The following IGF2BP1 variants were observed in gnomAD, a reference collection of about 807,000 sequenced individuals.
IGF2BP1 encodes insulin-like growth factor 2 mRNA-binding protein 1.
A neutral mutation model predicts 74.9 loss-of-function variants in IGF2BP1; 11 were observed. The observed-to-expected ratio is 0.15, with a 90% CI of 0.09 to 0.24. IGF2BP1 has a LOEUF of 0.24. IGF2BP1 is among the 10% of genes least tolerant of loss of function. The pLI is 1.00. For missense variants in IGF2BP1, 440 were observed against 757.4 expected (o/e 0.58, Z 4.92); for synonymous variants, 287 against 281.8 (o/e 1.02, Z -0.18).
chr17:49,027,318 C>A (rs1217759959), intron 4 of IGF2BP1, among the ~76,000 whole-genome samples: 1 of 152,156 alleles, frequency 6.6e-6, no homozygotes, highest in African/African-American at 2.4e-5. Flanking sequence ...AGAAATCTTG[C>A]ATTCAATCGG....
intron 2 of IGF2BP1, among the ~76,000 whole-genome samples, chr17:49,009,377 C>CTT (rs71144552): frequency 0.59 from 89,436 of 151,670 alleles, 27,848 homozygotes; most frequent in African/African-American, 0.78. Context: ...TCTTTGGAAA[C>CTT]TTAGGTTTTT....
chr17:49,048,060 A>G (rs1257271375), intron 14 of IGF2BP1, among the ~76,000 whole-genome samples: 1 of 152,136 alleles, frequency 6.6e-6, no homozygotes, highest in African/African-American at 2.4e-5. Context: ...ATTTATGGAA[A>G]GGAGACATTC....
chr17:49,045,190 C>T, intron 12 of IGF2BP1, 125 bp downstream of exon 12: 2 of 740,130 alleles, frequency 2.7e-6, no homozygotes, highest in Non-Finnish European at 4.7e-6. Flanking sequence ...ATCTTTAAGC[C>T]TTCCATGCAG....
intron 8 of IGF2BP1, 81 bp downstream of exon 8, chr17:49,041,581 T>TA (rs2042053407): frequency 6.4e-7 from 1 of 1,555,740 alleles, no homozygotes; most frequent in Admixed American, 1.8e-5. Flanking sequence ...GGAACCTTGA[T>TA]ATGTGCTCTT....
intron 2 of IGF2BP1, among the ~76,000 whole-genome samples, chr17:49,010,255 C>T (rs1211378356): frequency 6.7e-6 from 1 of 149,878 alleles, no homozygotes; most frequent in South Asian, 2.1e-4. Context: ...TGCTGTGATT[C>T]AAAAAATGGC....
chr17:49,004,128 C>T (rs2041518877), intron 2 of IGF2BP1, among the ~76,000 whole-genome samples: 1 of 152,206 alleles, frequency 6.6e-6, no homozygotes, highest in South Asian at 2.1e-4. Flanking sequence ...GCCCGCCTGC[C>T]TTCTCTTAAC....
chr17:49,041,507 C>T lies in IGF2BP1; in HGVS notation c.941+7C>T. On this transcript the variant is annotated splice_region_variant and intron_variant, in intron 8 of 14. Transcript: ENST00000290341. ...CAAAAATCACCATCTCCTCGTAAGG[C>T]TCTCTTCTATTTCCCTGTTTATGAG... The T allele has an allele frequency of 6.2e-7, 1 of 1,614,002 alleles. No homozygotes were observed. Among genetic ancestry groups the T allele is most frequent in the Non-Finnish European group, 8.5e-7 (1 of 1,179,940 alleles).
At chr17:48,998,140 A>T (rs2041431850) in intron 1 of IGF2BP1, among the ~76,000 whole-genome samples, 1 of 141,930 alleles carries the variant, frequency 7.0e-6, no homozygotes, top group African/African-American at 2.7e-5. Flanking sequence ...CCTTTCTCCC[A>T]GCCTGAGATA....
At chr17:49,034,100 T>G (rs187499249) in intron 5 of IGF2BP1, among the ~76,000 whole-genome samples, 1 of 146,574 alleles carries the variant, frequency 6.8e-6, no homozygotes, top group African/African-American at 2.5e-5. Flanking sequence ...GTTAGAATTA[T>G]ATCATGATTT....
chr17:49,026,100 C>T (rs570517305), intron 3 of IGF2BP1, among the ~76,000 whole-genome samples: 11 of 152,082 alleles, frequency 7.2e-5, no homozygotes, highest in South Asian at 2.1e-4. Context: ...AGTGAGCCAC[C>T]GTGCCTGGCC....
At chr17:49,013,423 C>T (rs11079849) in intron 2 of IGF2BP1, 41,618 of 152,348 alleles carry the variant, frequency 0.27, 6,292 homozygotes, top group Middle Eastern at 0.38. Context: ...CCTCCCGCCC[C>T]GTCCCGCCTC....
chr17:49,026,626 T>A (rs1234331875), intron 4 of IGF2BP1, 109 bp downstream of exon 4: 8 of 481,448 alleles, frequency 1.7e-5, no homozygotes, highest in Middle Eastern at 6.2e-4. Context: ...CCTTCCTTCC[T>A]TCCTTCCTGC....
Position 49,031,836 on chromosome 17 carries a change from A to T in IGF2BP1, c.338-74A>T, listed in dbSNP as rs1181949773. 4 of 1,324,798 alleles carry T rather than the reference A, an allele frequency of 3.0e-6. No homozygotes were observed. In the African/African-American group the frequency reaches 4.4e-5, roughly 14 times the overall value. 82.1% of individuals were successfully genotyped at this position (1,324,798 alleles called of 1,614,324 possible). On this transcript the variant is annotated intron_variant, in intron 4 of 14. Coordinates refer to ENST00000290341, the MANE Select transcript of IGF2BP1 (RefSeq NM_006546.4). ...GTCTTCTTGATCTCAAAACGTGGAA[A>T]GCTGGAGTTGGGGATTCATTGATTG...
chr17:48,999,923 G>GGTGTGTGTGTGTGTGTGTGTGTGTGTGT (rs371605973), intron 2 of IGF2BP1, among the ~76,000 whole-genome samples: 5 of 134,106 alleles, frequency 3.7e-5, no homozygotes, highest in East Asian at 4.6e-4. Flanking sequence ...GTGGATGAAT[G>GGTGTGTGTGTGTGTGTGTGTGTGTGTGT]GTGTGTGTGT....
At position 49,054,511 on chromosome 17, in the gene IGF2BP1, C is replaced by G. The variant is rs1051641651; in HGVS notation, c.*5067C>G. On this transcript the variant is annotated 3_prime_UTR_variant, in exon 15 of 15. Coordinates refer to ENST00000290341, the MANE Select transcript of IGF2BP1 (RefSeq NM_006546.4). ...CAGGCAGGCCTGCCAGGATCCCCCC[C>G]ATATCGATTGGGCTGGGAGGGCTGG... 2.6e-5 allele frequency: 4 copies of G among 152,502 alleles called. No individual in the cohort carries two copies. The highest frequency in any genetic ancestry group is 9.6e-5 in the African/African-American group (4 of 41,468). 9.4% of individuals were successfully genotyped at this position (152,502 alleles called of 1,614,324 possible). A position where few individuals can be genotyped will look rare whatever the true frequency, so the allele number is the denominator to read the frequency against.
chr17:49,020,009 CAT>C lies in IGF2BP1; in HGVS notation c.237-5601_237-5600del, dbSNP rs71369252. On this transcript the variant is annotated intron_variant, in intron 2 of 14. Transcript: ENST00000290341. ...ACACATATATATACACACACACACA[CAT>C]ATATATACACACACACACATATATA... Among the ~76,000 whole-genome samples the C allele has an allele frequency of 1.3e-3, 80 of 61,254 alleles. 4 individuals are homozygous for C. Among genetic ancestry groups the C allele is most frequent in the African/African-American group, 5.3e-3 (72 of 13,570 alleles). 40.2% of individuals were successfully genotyped at this position (61,254 alleles called of 152,430 possible). A position where few individuals can be genotyped will look rare whatever the true frequency, so the allele number is the denominator to read the frequency against.
intron 2 of IGF2BP1, among the ~76,000 whole-genome samples, chr17:49,010,818 G>A (rs1374740290): frequency 6.6e-6 from 1 of 151,930 alleles, no homozygotes. Context: ...AGGAGTCCAC[G>A]CACTAAAATG....
chr17:49,024,992 G>A (rs1207666635), intron 2 of IGF2BP1, among the ~76,000 whole-genome samples: 1 of 152,140 alleles, frequency 6.6e-6, no homozygotes, highest in African/African-American at 2.4e-5. Context: ...AGGAGTTCAA[G>A]ACCAGCCTGA....
intron 5 of IGF2BP1, among the ~76,000 whole-genome samples, chr17:49,032,906 C>T (rs974521291): frequency 1.3e-5 from 2 of 152,122 alleles, no homozygotes; most frequent in African/African-American, 4.8e-5. Context: ...ACCTCAACCT[C>T]CTGGGCTCAA....
Sources: gnomAD v4.1 joint callset for allele counts (sites outside exome capture counted in the v4.1 genomes callset) on GRCh38, gnomAD v4.1.1 for gene constraint, MANE v1.5 for transcripts, NCBI Gene and HGNC (gene_info 2026-07-23, HGNC 2026-07-21) for gene names.